Variants in OCA2 observed in about 807,000 individuals in gnomAD.
OCA2 encodes the protein OCA2 melanosomal transmembrane protein.
OCA2 carries 77 observed loss-of-function variants against 100.2 expected under a neutral mutation model. That is an observed-to-expected ratio of 0.77 (90% CI 0.64 to 0.93). The LOEUF (loss-of-function observed/expected upper bound fraction) is 0.93. Among genes scored for constraint, OCA2 ranks in the 40% least tolerant of loss-of-function variants. OCA2 has a pLI of 0.00. For missense variants in OCA2, 1,062 were observed against 1,089.1 expected (o/e 0.98, Z 0.35); for synonymous variants, 432 against 439.2 (o/e 0.98, Z 0.21).
At chr15:27,806,530 G>A (rs553276224) in intron 23 of OCA2, among the ~76,000 whole-genome samples, 4 of 152,292 alleles carry the variant, frequency 2.6e-5, no homozygotes, top group African/African-American at 4.8e-5. Flanking sequence ...AGAAGACCCC[G>A]GAGCTCAGAA....
In OCA2 at chr15:28,069,617, C is replaced by G. The variant is rs1378708290; in HGVS notation, c.227+12031G>C. On this transcript the variant is annotated intron_variant, in intron 2 of 23. Coordinates refer to ENST00000354638, the MANE Select transcript of OCA2 (RefSeq NM_000275.3). The stretch of plus-strand genomic sequence containing the variant: ...CGGGGTTTCGCTGTGTTGGCCGGGC[C>G]GGTCTCCAGCCCCTAACCGCGAGTG... Among the ~76,000 whole-genome samples the G allele has an allele frequency of 3.8e-4, 54 of 142,276 alleles. 3 individuals carry two copies. In the South Asian group the frequency reaches 0.012, roughly 32 times the overall value. The allele number at this position is 142,276 out of a possible 152,430, so 93.3% of individuals were successfully genotyped here. A position where few individuals can be genotyped will look rare whatever the true frequency, so the allele number is the denominator to read the frequency against.
intron 23 of OCA2, among the ~76,000 whole-genome samples, chr15:27,768,997 C>T (rs568653454): frequency 6.6e-6 from 1 of 152,334 alleles, no homozygotes; most frequent in African/African-American, 2.4e-5. Context: ...TTATGACTTC[C>T]TGTCGCTGCC....
chr15:27,792,833 G>C (rs2033148570), intron 23 of OCA2, among the ~76,000 whole-genome samples: 1 of 152,238 alleles, frequency 6.6e-6, no homozygotes, highest in African/African-American at 2.4e-5. Flanking sequence ...GAGACAAGGA[G>C]AGTCTGCACT....
intron 2 of OCA2, among the ~76,000 whole-genome samples, chr15:28,036,906 G>C (rs2043060859): frequency 6.6e-6 from 1 of 152,146 alleles, no homozygotes; most frequent in South Asian, 2.1e-4. Flanking sequence ...CATTTATGCA[G>C]CCATTGCTGA....
At chr15:27,942,257 T>C (rs2039674932) in intron 18 of OCA2, among the ~76,000 whole-genome samples, 1 of 148,832 alleles carries the variant, frequency 6.7e-6, no homozygotes, top group African/African-American at 2.4e-5. Flanking sequence ...ATACATAATA[T>C]ATATGATATA....
intron 2 of OCA2, among the ~76,000 whole-genome samples, chr15:28,070,390 GA>G (rs895783134): frequency 7.3e-6 from 1 of 136,430 alleles, no homozygotes; most frequent in Non-Finnish European, 1.5e-5. Flanking sequence ...CCCCTACTGG[GA>G]AGTGAGGAGC....
At position 27,913,907 on chromosome 15, in the gene OCA2, GC is replaced by G. The variant is rs373980514; in HGVS notation, c.2079+12219del. ...AGAAAGAAAGAAAGCAAGCAAGCAA[GC>G]AAGCAAGCAAGCAAGCAAGCAAGAA... On this transcript the variant is annotated intron_variant, in intron 19 of 23. Transcript: ENST00000354638. Among the ~76,000 whole-genome samples, 32 of 42,432 alleles carry G rather than the reference GC, an allele frequency of 7.5e-4. 2 individuals are homozygous for G. Among genetic ancestry groups the G allele is most frequent in the African/African-American group, 3.1e-3 (30 of 9,526 alleles). 27.8% of individuals were successfully genotyped at this position (42,432 alleles called of 152,430 possible).
At chr15:28,033,443 G>A (rs1172551674) in intron 2 of OCA2, among the ~76,000 whole-genome samples, 1 of 152,222 alleles carries the variant, frequency 6.6e-6, no homozygotes, top group Admixed American at 6.5e-5. Flanking sequence ...TCACCTGTGA[G>A]ATAGACAATA....
intron 19 of OCA2, among the ~76,000 whole-genome samples, chr15:27,878,687 T>G (rs1227218620): frequency 2.0e-5 from 3 of 152,136 alleles, no homozygotes. Flanking sequence ...TCTAGGCATG[T>G]TTTCCTTTAT....
intron 23 of OCA2, among the ~76,000 whole-genome samples, chr15:27,793,033 AAAC>A: frequency 1.3e-5 from 2 of 152,198 alleles, no homozygotes; most frequent in African/African-American, 4.8e-5. Flanking sequence ...GCTGTTTACA[AAAC>A]TGGAAATCTC....
chr15:27,963,471 C>T (rs1261780064), intron 15 of OCA2, among the ~76,000 whole-genome samples: 3 of 151,998 alleles, frequency 2.0e-5, no homozygotes, highest in African/African-American at 7.2e-5. Context: ...TAGGTAACTG[C>T]AAAAACTTTC....
the OCA2 span, among the ~76,000 whole-genome samples, chr15:27,729,017 AC>A: frequency 6.6e-6 from 1 of 152,262 alleles, no homozygotes; most frequent in Middle Eastern, 3.4e-3. Flanking sequence ...GCCAGACTGC[AC>A]TTTCAACGCT....
intron 15 of OCA2, among the ~76,000 whole-genome samples, chr15:27,958,287 A>C (rs552593399): frequency 7.9e-5 from 12 of 152,370 alleles, no homozygotes; most frequent in African/African-American, 2.9e-4. Flanking sequence ...AACACATCAA[A>C]GCTAGCACCC....
chr15:28,056,142 C>G (rs1446062900), intron 2 of OCA2, among the ~76,000 whole-genome samples: 1 of 152,120 alleles, frequency 6.6e-6, no homozygotes, highest in Non-Finnish European at 1.5e-5. Context: ...GGGGGCTGGC[C>G]AGTTCAGTCT....
chr15:27,828,336 G>T (rs1298746500), intron 23 of OCA2, among the ~76,000 whole-genome samples: 2 of 152,186 alleles, frequency 1.3e-5, no homozygotes, highest in Non-Finnish European at 2.9e-5. Context: ...GCGGGCTAGG[G>T]ACTGACTGCT....
intron 9 of OCA2, among the ~76,000 whole-genome samples, chr15:28,004,639 C>T (rs1394752796): frequency 1.3e-5 from 2 of 151,986 alleles, no homozygotes; most frequent in African/African-American, 4.8e-5. Context: ...CACCCAGACA[C>T]ATGGTCTGAC....
chr15:27,755,828 C>T (rs1337799655), intron 23 of OCA2, among the ~76,000 whole-genome samples: 3 of 152,154 alleles, frequency 2.0e-5, no homozygotes, highest in Non-Finnish European at 4.4e-5. Context: ...GTGTCATCTT[C>T]CAACTTTTCT....
intron 23 of OCA2, among the ~76,000 whole-genome samples, chr15:27,791,329 T>C (rs1451896882): frequency 6.6e-6 from 1 of 152,226 alleles, no homozygotes; most frequent in Non-Finnish European, 1.5e-5. Flanking sequence ...TACACAGCTA[T>C]ACAATGAAAC....
intron 9 of OCA2, among the ~76,000 whole-genome samples, chr15:27,995,392 T>C (rs2041689119): frequency 6.6e-6 from 1 of 152,122 alleles, no homozygotes; most frequent in South Asian, 2.1e-4. Context: ...TTATTTCTTT[T>C]AAAAAAAATT....
Sources: gnomAD v4.1 joint callset for allele counts (sites outside exome capture counted in the v4.1 genomes callset) on GRCh38, gnomAD v4.1.1 for gene constraint, MANE v1.5 for transcripts, NCBI Gene and HGNC (gene_info 2026-07-23, HGNC 2026-07-21) for gene names.